Variants in GRM4 observed in about 807,000 individuals in gnomAD.
GRM4 encodes the protein glutamate metabotropic receptor 4.
A neutral mutation model predicts 81.7 loss-of-function variants in GRM4; 28 were observed. That is an observed-to-expected ratio of 0.34 (90% CI 0.25 to 0.47). The LOEUF is 0.47. Ranked by LOEUF, GRM4 falls within the 20% of genes least tolerant of loss-of-function variation. GRM4 has a pLI of 1.00. For missense variants in GRM4, 948 were observed against 1,290.0 expected (o/e 0.73, Z 4.06); for synonymous variants, 488 against 528.8 (o/e 0.92, Z 1.06).
At chr6:34,129,225 G>A (rs1770143981) in intron 2 of GRM4, among the ~76,000 whole-genome samples, 1 of 152,158 alleles carries the variant, frequency 6.6e-6, no homozygotes, top group African/African-American at 2.4e-5. Context: ...ATGTTGTCCA[G>A]GCTGGTCTCG....
chr6:34,107,859 C>A (rs1282750222), intron 2 of GRM4, among the ~76,000 whole-genome samples: 1 of 152,152 alleles, frequency 6.6e-6, no homozygotes, highest in African/African-American at 2.4e-5. Context: ...GAAATACAAC[C>A]CTCCCTCAAA....
In GRM4 at chr6:34,140,134, G is replaced by A. The variant is rs558150848; in HGVS notation, c.-364+5866C>T. Among the ~76,000 whole-genome samples, 6 of 152,338 alleles carry A rather than the reference G, an allele frequency of 3.9e-5. No individual in the cohort carries two copies. In the East Asian group the frequency reaches 1.2e-3, roughly 29 times the overall value. On this transcript the variant is annotated intron_variant, in intron 1 of 10. Transcript: ENST00000538487. ...TTTCAGAAAAGAATAATCAGGGAAG[G>A]CTTCTCTGGGGAAGTGGCATTTGAT...
rs1031048397 is a variant in GRM4, at chr6:34,092,924, C to G, written c.520-825G>C. Reference sequence around the variant, plus strand: ...CCCCAGGACAGGGAAGGGGTATGGTCCCTCCTCTCCGCCCCTCCCCTCCAG... The same window carrying G: ...CCCCAGGACAGGGAAGGGGTATGGTGCCTCCTCTCCGCCCCTCCCCTCCAG... On this transcript the variant is annotated intron_variant, in intron 2 of 10. Transcript: ENST00000538487. The surrounding 1 kb of genome is among the most constrained non-coding windows in gnomAD (Gnocchi z 6.8). 6.6e-6 allele frequency among the ~76,000 whole-genome samples: 1 copy of G among 152,090 alleles called. No individual in the cohort carries two copies. The highest frequency in any genetic ancestry group is 2.4e-5 in the African/African-American group (1 of 41,418).
intron 2 of GRM4, among the ~76,000 whole-genome samples, chr6:34,098,416 C>T (rs1768653429): frequency 6.6e-6 from 1 of 152,232 alleles, no homozygotes; most frequent in African/African-American, 2.4e-5. Flanking sequence ...CTTGCTGACT[C>T]TGCTCTTTCT....
rs764574781 is a variant in GRM4, at chr6:34,133,098, C to A, written c.399G>T (p.Glu133Asp). ...GTGGGCCGCCACTGCCACAGCGGAC[C>A]TCTGTGCCATCCTTCTCGATGAGCG... ...VQALIEKDGT[E>D]VRCGSGGPPI... The change falls in exon 2 of 11, where the codon GAG becomes GAT. Residue 133 changes from glutamate (E) to aspartate (D), a missense_variant. Transcript: ENST00000538487. This position sits in a 1 kb window ranked among gnomAD's most constrained non-coding sequence, Gnocchi z 6.5. 6.2e-7 allele frequency: 1 copy of A among 1,614,130 alleles called. No homozygotes were observed. The highest frequency in any genetic ancestry group is 1.1e-5 in the South Asian group (1 of 91,070).
chr6:34,122,120 G>A (rs778008738), intron 2 of GRM4, among the ~76,000 whole-genome samples: 8 of 152,094 alleles, frequency 5.3e-5, no homozygotes, highest in Non-Finnish European at 1.2e-4. Context: ...CTTGACAGCC[G>A]TTCTGCCTCC....
intron 6 of GRM4, chr6:34,056,278 T>C: frequency 2.0e-6 from 1 of 499,084 alleles, no homozygotes; most frequent in Non-Finnish European, 3.6e-6. Context: ...GGGCTGGCCC[T>C]AGGGCCGTCC....
At chr6:34,072,067 CCA>C (rs1327399311) in intron 3 of GRM4, among the ~76,000 whole-genome samples, 4 of 151,390 alleles carry the variant, frequency 2.6e-5, no homozygotes, top group Admixed American at 2.0e-4. Context: ...CCATACATCA[CCA>C]CAGATACCAC....
intron 3 of GRM4, 55 bp from the exon 4 acceptor site, chr6:34,062,083 CCA>C: frequency 6.4e-7 from 1 of 1,560,022 alleles, no homozygotes; most frequent in South Asian, 1.2e-5. Context: ...AGTCTCCCCA[CCA>C]CTCTCCCAAC....
At chr6:34,110,219 G>A (rs902205) in intron 2 of GRM4, among the ~76,000 whole-genome samples, 2,428 of 151,602 alleles carry the variant, frequency 0.016, 66 homozygotes, top group African/African-American at 0.048. Context: ...GCTTGAGCCC[G>A]GGAGGTCGAG....
chr6:34,132,734 C>T (rs945345500), intron 2 of GRM4, among the ~76,000 whole-genome samples: 1 of 152,182 alleles, frequency 6.6e-6, no homozygotes, highest in Non-Finnish European at 1.5e-5. Flanking sequence ...CCTCGGTCAG[C>T]GCCACAAGGC....
At chr6:34,071,869 AAC>A (rs1223012502) in intron 3 of GRM4, among the ~76,000 whole-genome samples, 14 of 144,286 alleles carry the variant, frequency 9.7e-5, no homozygotes, top group Non-Finnish European at 1.6e-4. Context: ...ACCATACATC[AAC>A]ACACAGCTAC....
rs1205424011 is a variant in GRM4, at chr6:34,044,335, G to GACAT, written c.1169-3591_1169-3588dup. On this transcript the variant is annotated intron_variant, in intron 6 of 10. Transcript: ENST00000538487. Reference sequence around the variant, plus strand: ...ATATACACAGACACACATACACACAGACATACATACATACACATATATACA... The same window carrying GACAT: ...ATATACACAGACACACATACACACAGACATACATACATACATACACATATATACA... Among the ~76,000 whole-genome samples the GACAT allele has an allele frequency of 1.2e-3, 112 of 94,716 alleles. No homozygotes were observed. In the East Asian group the frequency reaches 0.027, roughly 23 times the overall value. 62.1% of individuals were successfully genotyped at this position (94,716 alleles called of 152,430 possible).
intron 6 of GRM4, among the ~76,000 whole-genome samples, chr6:34,045,032 C>G (rs923607929): frequency 6.6e-6 from 1 of 152,050 alleles, no homozygotes; most frequent in African/African-American, 2.4e-5. Flanking sequence ...CACACACACC[C>G]CCACCACACC....
In GRM4 at chr6:34,111,346, C is replaced by T. The variant is rs560809483; in HGVS notation, c.520-19247G>A. ...TGAGTCCCACACATACTTTCCTGGA[C>T]TCACACTCACAGGCCTCTTGGTGGT... On this transcript the variant is annotated intron_variant, in intron 2 of 10. Transcript: ENST00000538487. This position sits in a 1 kb window ranked among gnomAD's most constrained non-coding sequence, Gnocchi z 5.1. 4.0e-5 allele frequency among the ~76,000 whole-genome samples: 6 copies of T among 150,754 alleles called. No homozygotes were observed. Among genetic ancestry groups the T allele is most frequent in the Non-Finnish European group, 8.9e-5 (6 of 67,786 alleles).
rs377650701 is a variant in GRM4, at chr6:34,153,120, C to CTCCA, written c.312+1955_312+1958dup. 3.5e-3 allele frequency among the ~76,000 whole-genome samples: 527 copies of CTCCA among 152,268 alleles called. 3 individuals carry two copies. The highest frequency in any genetic ancestry group is 7.9e-3 in the African/African-American group (328 of 41,536). The stretch of plus-strand genomic sequence containing the variant: ...CTCCTCACCTGCTGAGACATATGGA[C>CTCCA]TCCACCCTGGACAAGAAGGGACCTT... On this transcript the variant is annotated intron_variant, in intron 1 of 8. Transcript: ENST00000374177.
chr6:34,035,651 C>T lies in GRM4; in HGVS notation c.2442+17G>A, dbSNP rs780541675. The stretch of plus-strand genomic sequence containing the variant: ...CCCTCACCTACCCACCGTCCACCCC[C>T]GGCCCCCACCACTCACCTTGTCGGC... On this transcript the variant is annotated intron_variant, in intron 9 of 10. Coordinates refer to ENST00000538487, the MANE Select transcript of GRM4 (RefSeq NM_000841.4). This position sits in a 1 kb window ranked among gnomAD's most constrained non-coding sequence, Gnocchi z 6.6. 1.4e-5 allele frequency: 21 copies of T among 1,492,500 alleles called. No individual in the cohort carries two copies. Among genetic ancestry groups the T allele is most frequent in the Middle Eastern group, 1.8e-4 (1 of 5,568 alleles). 92.5% of individuals were successfully genotyped at this position (1,492,500 alleles called of 1,614,324 possible).
At chr6:34,110,160 G>A (rs1769305726) in intron 2 of GRM4, among the ~76,000 whole-genome samples, 1 of 152,076 alleles carries the variant, frequency 6.6e-6, no homozygotes, top group African/African-American at 2.4e-5. Flanking sequence ...CAGGCATGGC[G>A]GTGCACAACT....
exon 1 of GRM4, chr6:34,155,165 C>T: frequency 6.5e-7 from 1 of 1,535,396 alleles, no homozygotes; most frequent in Non-Finnish European, 8.7e-7. Flanking sequence ...CCCTCGGATT[C>T]GTGCGCGGCC....
Sources: gnomAD v4.1 joint callset for allele counts (sites outside exome capture counted in the v4.1 genomes callset) on GRCh38, gnomAD v4.1.1 for gene constraint, Gnocchi (gnomAD v3.1) non-coding constraint, MANE v1.5 for transcripts, NCBI Gene and HGNC (gene_info 2026-07-23, HGNC 2026-07-21) for gene names.